Variants in KCNT2 observed in about 807,000 individuals in gnomAD.
The protein encoded by KCNT2 is potassium sodium-activated channel subfamily T member 2, also known as potassium channel subfamily T member 2.
KCNT2 carries 67 observed loss-of-function variants against 153.8 expected under a neutral mutation model. The observed-to-expected ratio is 0.44, with a 90% CI of 0.36 to 0.53. The LOEUF is 0.53. Among genes scored for constraint, KCNT2 ranks in the 20% least tolerant of loss-of-function variants. KCNT2 has a pLI of 0.00. For missense variants in KCNT2, 975 were observed against 1,354.8 expected (o/e 0.72, Z 4.40); for synonymous variants, 500 against 458.8 (o/e 1.09, Z -1.15).
chr1:196,253,667 A>C (rs889853214), intron 26 of KCNT2, among the ~76,000 whole-genome samples: 2 of 151,488 alleles, frequency 1.3e-5, no homozygotes, highest in African/African-American at 4.8e-5. Context: ...ATTGTTTCAC[A>C]TTTTTTGTAT....
At chr1:196,488,930 A>G (rs1029150900) in intron 3 of KCNT2, among the ~76,000 whole-genome samples, 24 of 152,020 alleles carry the variant, frequency 1.6e-4, no homozygotes, top group African/African-American at 5.8e-4. Flanking sequence ...GAGAGCACCC[A>G]GAAGATACTC....
chr1:196,346,558 A>C (rs1441105033), intron 14 of KCNT2, among the ~76,000 whole-genome samples: 2 of 152,092 alleles, frequency 1.3e-5, no homozygotes, highest in Non-Finnish European at 2.9e-5. Context: ...ACTGCACATT[A>C]TTTTTAAGTA....
At chr1:196,269,949 T>C (rs947030504) in intron 25 of KCNT2, among the ~76,000 whole-genome samples, 10 of 152,230 alleles carry the variant, frequency 6.6e-5, no homozygotes, top group African/African-American at 2.2e-4. Context: ...CTTAATAAAA[T>C]AGCCTTAATT....
intron 7 of KCNT2, among the ~76,000 whole-genome samples, chr1:196,465,905 A>T (rs1288235255): frequency 6.6e-6 from 1 of 152,008 alleles, no homozygotes; most frequent in African/African-American, 2.4e-5. Flanking sequence ...CTTATAAAAG[A>T]TATTATGGCA....
At position 196,405,918 on chromosome 1, in the gene KCNT2, T is replaced by C. The variant is rs549965933; in HGVS notation, c.1186-7247A>G. Among the ~76,000 whole-genome samples the C allele has an allele frequency of 9.6e-4, 146 of 151,600 alleles. 1 individual carries two copies. Among genetic ancestry groups the C allele is most frequent in the African/African-American group, 2.0e-3 (83 of 41,464 alleles). On this transcript the variant is annotated intron_variant, in intron 12 of 27. Coordinates refer to ENST00000294725, the MANE Select transcript of KCNT2 (RefSeq NM_198503.5). ...TAATCACAAACACTTATAAAATAAA[T>C]AAAGAGTAAAAGAAGTCTTATGGCA...
intron 1 of KCNT2, among the ~76,000 whole-genome samples, chr1:196,556,038 C>T (rs1658609344): frequency 6.6e-6 from 1 of 151,458 alleles, no homozygotes; most frequent in South Asian, 2.1e-4. Flanking sequence ...AGACCTCAAG[C>T]TGTGAAACTA....
At chr1:196,427,954 G>T in intron 10 of KCNT2, 151 bp downstream of exon 10, 2 of 534,838 alleles carry the variant, frequency 3.7e-6, no homozygotes, top group South Asian at 3.4e-5. Context: ...CTATGTTCCT[G>T]GTTATATTTG....
Position 196,327,025 on chromosome 1 carries a change from AC to A in KCNT2, c.2104-137del, listed in dbSNP as rs1663927687. 2.3e-5 allele frequency: 13 copies of A among 569,166 alleles called. No individual in the cohort carries two copies. In the South Asian group the frequency reaches 2.6e-4, roughly 11 times the overall value. 35.3% of individuals were successfully genotyped at this position (569,166 alleles called of 1,614,324 possible). On this transcript the variant is annotated intron_variant, in intron 18 of 27. Coordinates refer to ENST00000294725, the MANE Select transcript of KCNT2 (RefSeq NM_198503.5). ...TTTTCTAATAAATTTGAAAATAGTT[AC>A]ATTTTTCTGTGCCCATTTCTGCAAC...
At chr1:196,251,519 A>G (rs1655969969) in intron 26 of KCNT2, among the ~76,000 whole-genome samples, 1 of 152,032 alleles carries the variant, frequency 6.6e-6, no homozygotes, top group Non-Finnish European at 1.5e-5. Flanking sequence ...AAAACTTCAT[A>G]TATTCTCATT....
intron 27 of KCNT2, among the ~76,000 whole-genome samples, chr1:196,231,738 G>A (rs1360750914): frequency 1.3e-5 from 2 of 151,800 alleles, no homozygotes; most frequent in Non-Finnish European, 2.9e-5. Context: ...GTAAATCATG[G>A]TAGGTAAAGT....
At chr1:196,459,910 C>T (rs1226876600) in intron 8 of KCNT2, among the ~76,000 whole-genome samples, 3 of 151,802 alleles carry the variant, frequency 2.0e-5, no homozygotes, top group African/African-American at 7.2e-5. Context: ...ATCAGGGAAA[C>T]TGATTTGAAC....
At chr1:196,273,415 G>A in intron 25 of KCNT2, 5 of 1,222,136 alleles carry the variant, frequency 4.1e-6, no homozygotes, top group Non-Finnish European at 4.6e-6. Flanking sequence ...TAATAGCTCT[G>A]AATTAATATA....
At chr1:196,545,079 T>G (rs1196273929) in intron 1 of KCNT2, among the ~76,000 whole-genome samples, 1 of 152,118 alleles carries the variant, frequency 6.6e-6, no homozygotes, top group African/African-American at 2.4e-5. Context: ...TTCAAAAGCT[T>G]AATATTTGGA....
intron 14 of KCNT2, among the ~76,000 whole-genome samples, chr1:196,354,052 T>A (rs1383912572): frequency 6.6e-6 from 1 of 151,944 alleles, no homozygotes; most frequent in Non-Finnish European, 1.5e-5. Flanking sequence ...TACGTTTTTA[T>A]GAACCTGTAT....
At chr1:196,346,756 T>C (rs563505979) in intron 14 of KCNT2, among the ~76,000 whole-genome samples, 2 of 152,156 alleles carry the variant, frequency 1.3e-5, no homozygotes, top group Admixed American at 1.3e-4. Context: ...CAACATATTA[T>C]ACCTTCATTT....
chr1:196,439,002 C>T (rs1674978786), intron 8 of KCNT2, among the ~76,000 whole-genome samples: 1 of 151,494 alleles, frequency 6.6e-6, no homozygotes, highest in Non-Finnish European at 1.5e-5. Flanking sequence ...TTAAGTATAC[C>T]TATTTTTTTA....
chr1:196,471,168 A>C (rs1489111679), intron 5 of KCNT2, among the ~76,000 whole-genome samples: 1 of 151,904 alleles, frequency 6.6e-6, no homozygotes, highest in Non-Finnish European at 1.5e-5. Context: ...CGGCCTCCCA[A>C]AGTGCTGGGA....
Position 196,393,943 on chromosome 1 carries a change from T to G in KCNT2, c.1294+4620A>C, listed in dbSNP as rs369341914. 1.1e-4 allele frequency among the ~76,000 whole-genome samples: 17 copies of G among 151,638 alleles called. No homozygotes were observed. The East Asian group carries it at 2.7e-3, about 24-fold the overall frequency. Reference sequence around the variant, plus strand: ...ATGTCTATGGCACGCTGCCATTGCCTCTGTCATATGTTTCAGTACCAATTG... The same window carrying G: ...ATGTCTATGGCACGCTGCCATTGCCGCTGTCATATGTTTCAGTACCAATTG... On this transcript the variant is annotated intron_variant, in intron 13 of 27. Transcript: ENST00000294725.
At position 196,334,102 on chromosome 1, in the gene KCNT2, T is replaced by C. The variant is rs753724547; in HGVS notation, c.1784-42A>G. The stretch of plus-strand genomic sequence containing the variant: ...TGAAAATTTATCAAGGCGTTTGCCA[T>C]ATTGATCACTAGTGTTGAAGGTTAC... On this transcript the variant is annotated intron_variant, in intron 16 of 27. Coordinates refer to ENST00000294725, the MANE Select transcript of KCNT2 (RefSeq NM_198503.5). 1.8e-5 allele frequency: 22 copies of C among 1,246,050 alleles called. 1 individual carries two copies. The South Asian group carries it at 2.1e-4, about 12-fold the overall frequency. 77.2% of individuals were successfully genotyped at this position (1,246,050 alleles called of 1,614,324 possible).
Sources: gnomAD v4.1 joint callset for allele counts (sites outside exome capture counted in the v4.1 genomes callset) on GRCh38, gnomAD v4.1.1 for gene constraint, MANE v1.5 for transcripts, NCBI Gene and HGNC (gene_info 2026-07-23, HGNC 2026-07-21) for gene names.